IQCH: variants seen among roughly 807,000 people sequenced by gnomAD.
IQCH encodes the protein IQ motif containing H.
A neutral mutation model predicts 117.0 loss-of-function variants in IQCH; 98 were observed. The observed-to-expected ratio is 0.84, with a 90% CI of 0.71 to 0.99. The LOEUF is 0.99. Ranked by LOEUF, IQCH falls within the 50% of genes least tolerant of loss-of-function variation. The pLI is 0.00. For synonymous variants in IQCH, 412 were observed against 448.2 expected, an observed-to-expected ratio of 0.92 and a Z score of 1.02; for missense variants, 1,102 against 1,243.8, an observed-to-expected ratio of 0.89 and a Z score of 1.72.
intron 4 of IQCH, among the ~76,000 whole-genome samples, chr15:67,292,553 C>T (rs1485631138): frequency 6.6e-6 from 1 of 152,040 alleles, no homozygotes; most frequent in Non-Finnish European, 1.5e-5. Context: ...TCCCAGGCTT[C>T]ATTATAGCAG....
rs556859507 is a variant in IQCH at position 67,366,328 on chromosome 15, T to C, written c.754-5783T>C. Among the ~76,000 whole-genome samples, 1 of 152,352 alleles carries C rather than the reference T, an allele frequency of 6.6e-6. No homozygotes were observed. Among genetic ancestry groups the C allele is most frequent in the East Asian group, 1.9e-4 (1 of 5,190 alleles). On this transcript the variant is annotated intron_variant, in intron 8 of 20. Transcript: ENST00000335894. This position sits in a 1 kb window ranked among gnomAD's most constrained non-coding sequence, Gnocchi z 4.4. ...AGAAAAGATGAAATCAATGCAGCAGTAAAATGAAATGTGTCTCTAGAAGGA... is the reference window on the plus strand; with the variant it reads ...AGAAAAGATGAAATCAATGCAGCAGCAAAATGAAATGTGTCTCTAGAAGGA...
intron 15 of IQCH, among the ~76,000 whole-genome samples, chr15:67,418,757 T>C (rs1277723451): frequency 6.6e-6 from 1 of 152,006 alleles, no homozygotes; most frequent in African/African-American, 2.4e-5. Context: ...TTTGTATTTT[T>C]AGTAGAGACA....
At chr15:67,477,044 C>CTTTTTTTTTTTTTTTTTTTTT (rs71455553) in intron 18 of IQCH, among the ~76,000 whole-genome samples, 16 of 71,172 alleles carry the variant, frequency 2.2e-4, no homozygotes, top group East Asian at 4.4e-4. Flanking sequence ...TCTTTTTCTT[C>CTTTTTTTTTTTTTTTTTTTTT]TTTTTTTTTT....
chr15:67,465,531 C>A lies in IQCH; in HGVS notation c.2676+234C>A, dbSNP rs576868371. 6.6e-6 allele frequency among the ~76,000 whole-genome samples: 1 copy of A among 152,210 alleles called. No individual in the cohort carries two copies. The highest frequency in any genetic ancestry group is 2.1e-4 in the South Asian group (1 of 4,824). ...TGGAAATGCGAAAGAGCATGGGGCT[C>A]TCCTCCCCTTTTTCTAGGCAGGTAC... On this transcript the variant is annotated intron_variant, in intron 17 of 20. Transcript: ENST00000335894. This position sits in a 1 kb window ranked among gnomAD's most constrained non-coding sequence, Gnocchi z 5.9.
chr15:67,425,870 T>G lies in IQCH; in HGVS notation c.2505+4293T>G, dbSNP rs966561954. Among the ~76,000 whole-genome samples, 3 of 152,222 alleles carry G rather than the reference T, an allele frequency of 2.0e-5. No homozygotes were observed. Among genetic ancestry groups the G allele is most frequent in the Admixed American group, 6.5e-5 (1 of 15,282 alleles). ...TCCTTCTCCACCTCTCATTTATGCCTGTAGGTCTGTATGTATTTATGTCAG... is the reference window on the plus strand; with the variant it reads ...TCCTTCTCCACCTCTCATTTATGCCGGTAGGTCTGTATGTATTTATGTCAG... On this transcript the variant is annotated intron_variant, in intron 16 of 20. Transcript: ENST00000335894. The surrounding 1 kb of genome is among the most constrained non-coding windows in gnomAD (Gnocchi z 5.5).
intron 4 of IQCH, among the ~76,000 whole-genome samples, chr15:67,296,522 G>A (rs570023217): frequency 6.6e-6 from 1 of 152,166 alleles, no homozygotes; most frequent in South Asian, 2.1e-4. Flanking sequence ...AGTGATTAGA[G>A]GCAGGCCATC....
At chr15:67,261,546 T>A in intron 2 of IQCH, 152 bp downstream of exon 2, 3 of 597,136 alleles carry the variant, frequency 5.0e-6, no homozygotes, top group Non-Finnish European at 8.6e-6. Context: ...TTTGTTCTCA[T>A]AATTATTAAC....
chr15:67,418,568 G>T (rs959047121), intron 15 of IQCH, among the ~76,000 whole-genome samples: 3 of 113,496 alleles, frequency 2.6e-5, no homozygotes, highest in African/African-American at 9.9e-5. Flanking sequence ...CAATAATAGG[G>T]TGTTTTTACT....
At chr15:67,280,146 C>A (rs958176806) in intron 4 of IQCH, among the ~76,000 whole-genome samples, 2 of 152,152 alleles carry the variant, frequency 1.3e-5, no homozygotes, top group African/African-American at 2.4e-5. Context: ...AGGTCTGTTT[C>A]TAGAATTTCA....
At position 67,387,864 on chromosome 15, in the gene IQCH, A is replaced by G. The variant is rs1971156510; in HGVS notation, c.1457-967A>G. Among the ~76,000 whole-genome samples, 1 of 152,182 alleles carries G rather than the reference A, an allele frequency of 6.6e-6. No individual in the cohort carries two copies. Among genetic ancestry groups the G allele is most frequent in the Admixed American group, 6.6e-5 (1 of 15,260 alleles). On this transcript the variant is annotated intron_variant, in intron 11 of 20. Coordinates refer to ENST00000335894, the MANE Select transcript of IQCH (RefSeq NM_001031715.3). The surrounding 1 kb of genome is among the most constrained non-coding windows in gnomAD (Gnocchi z 4.8). ...GTATATATACTCTGCCAAACTGATC[A>G]GAGGAGTCTGAAGATCCTCTCTTTG... is the stretch of plus-strand genomic sequence containing the variant.
In IQCH at chr15:67,370,968, G is replaced by A. The variant is rs1970508444; in HGVS notation, c.754-1143G>A. The stretch of plus-strand genomic sequence containing the variant: ...ATCATTATGGATAAATTGCTGGGGG[G>A]GGTTTTCTTTGAGTTTTTTGAAAAC... On this transcript the variant is annotated intron_variant, in intron 8 of 20. Coordinates refer to ENST00000335894, the MANE Select transcript of IQCH (RefSeq NM_001031715.3). This position sits in a 1 kb window ranked among gnomAD's most constrained non-coding sequence, Gnocchi z 5.6. Among the ~76,000 whole-genome samples, 1 of 151,164 alleles carries A rather than the reference G, an allele frequency of 6.6e-6. No homozygotes were observed. The highest frequency in any genetic ancestry group is 1.5e-5 in the Non-Finnish European group (1 of 67,738).
At chr15:67,485,152 C>T (rs555540430) in intron 18 of IQCH, among the ~76,000 whole-genome samples, 173 of 152,148 alleles carry the variant, frequency 1.1e-3, no homozygotes, top group African/African-American at 4.0e-3. Flanking sequence ...AAGACAGGGA[C>T]TTTAAAATAG....
Position 67,428,627 on chromosome 15 carries a change from G to T in IQCH, c.2505+7050G>T, listed in dbSNP as rs145755579. Among the ~76,000 whole-genome samples the T allele has an allele frequency of 4.1e-4, 62 of 152,220 alleles. 1 individual carries two copies. The South Asian group carries it at 4.2e-3, about 10-fold the overall frequency. ...ACACTTTGGGAGACCGAGGCGGGTG[G>T]ATCACGAGGTCAGGAGTTTGAGACA... On this transcript the variant is annotated intron_variant, in intron 16 of 20. Coordinates refer to ENST00000335894, the MANE Select transcript of IQCH (RefSeq NM_001031715.3).
rs957004066 is a variant in IQCH at position 67,416,264 on chromosome 15, TCC to T, written c.2098-665_2098-664del. 6.6e-6 allele frequency among the ~76,000 whole-genome samples: 1 copy of T among 152,072 alleles called. No homozygotes were observed. Among genetic ancestry groups the T allele is most frequent in the African/African-American group, 2.4e-5 (1 of 41,420 alleles). On this transcript the variant is annotated intron_variant, in intron 14 of 20. Transcript: ENST00000335894. The surrounding 1 kb of genome is among the most constrained non-coding windows in gnomAD (Gnocchi z 5.1). ...TGGGCACAGTGGCTCATGCCTGTAA[TCC>T]CAGCACTTTGGGAGGCCGAGGCGGG... is the stretch of plus-strand genomic sequence containing the variant.
intron 10 of IQCH, among the ~76,000 whole-genome samples, chr15:67,383,400 G>A (rs542309424): frequency 1.3e-4 from 20 of 152,230 alleles, no homozygotes; most frequent in African/African-American, 2.2e-4. Context: ...CACATGCTGC[G>A]TATGTGGCAA....
At chr15:67,348,797 C>T (rs760391205) in intron 6 of IQCH, among the ~76,000 whole-genome samples, 3 of 152,098 alleles carry the variant, frequency 2.0e-5, no homozygotes, top group Non-Finnish European at 2.9e-5. Context: ...CAAGGAGCTA[C>T]AATAGCTAGT....
Position 67,294,679 on chromosome 15 carries a change from A to G in IQCH, c.387+15167A>G, listed in dbSNP as rs113649944. Reference sequence around the variant, plus strand: ...CAACACCCTGATGATTGTAGAGCAGAAAGAGAGAAAGGAACTGGGCCCCCA... The same window carrying G: ...CAACACCCTGATGATTGTAGAGCAGGAAGAGAGAAAGGAACTGGGCCCCCA... On this transcript the variant is annotated intron_variant, in intron 4 of 20. Transcript: ENST00000335894. 6.3e-3 allele frequency among the ~76,000 whole-genome samples: 966 copies of G among 152,350 alleles called. 8 individuals carry two copies. The highest frequency in any genetic ancestry group is 0.02 in the African/African-American group (842 of 41,582).
chr15:67,480,520 A>G (rs1345975283), intron 18 of IQCH, among the ~76,000 whole-genome samples: 1 of 152,202 alleles, frequency 6.6e-6, no homozygotes. Context: ...TGCAACTTTC[A>G]TTGTTAGAAA....
At chr15:67,488,743 A>T (rs775499691) in intron 18 of IQCH, among the ~76,000 whole-genome samples, 3 of 152,196 alleles carry the variant, frequency 2.0e-5, no homozygotes, top group Admixed American at 6.5e-5. Flanking sequence ...CATAAGGAGC[A>T]TGCAACCTAG....
Sources: allele counts gnomAD v4.1 joint callset (sites outside exome capture counted in the v4.1 genomes callset), GRCh38; gene constraint gnomAD v4.1.1; non-coding constraint Gnocchi (gnomAD v3.1); transcripts MANE v1.5; gene names NCBI Gene and HGNC (gene_info 2026-07-23, HGNC 2026-07-21).